HECW1: variants seen among roughly 807,000 people sequenced by gnomAD.
The protein encoded by HECW1 is HECT, C2 and WW domain containing E3 ubiquitin protein ligase 1, also known as E3 ubiquitin-protein ligase HECW1.
In HECW1, 61 loss-of-function variants were observed where a neutral mutation model predicts 182.3. The observed-to-expected ratio is 0.33, with a 90% CI of 0.27 to 0.41. The LOEUF is 0.41. Among genes scored for constraint, HECW1 ranks in the 10% least tolerant of loss-of-function variants. The pLI is 1.00. For missense variants in HECW1, 1,739 were observed against 2,108.9 expected (o/e 0.82, Z 3.44); for synonymous variants, 859 against 832.6 (o/e 1.03, Z -0.55).
chr7:43,454,792 A>G (rs981250209), intron 12 of HECW1, among the ~76,000 whole-genome samples: 1 of 152,258 alleles, frequency 6.6e-6, no homozygotes, highest in African/African-American at 2.4e-5. Flanking sequence ...TAAGTTTTCA[A>G]TGAAACTGTT....
At chr7:43,234,037 C>T (rs764507254) in intron 2 of HECW1, among the ~76,000 whole-genome samples, 17 of 152,216 alleles carry the variant, frequency 1.1e-4, no homozygotes, top group Non-Finnish European at 1.9e-4. Flanking sequence ...AGCTTCTCTC[C>T]ACAGTCTGCA....
At chr7:43,179,140 C>T (rs1792548180) in intron 2 of HECW1, among the ~76,000 whole-genome samples, 1 of 152,186 alleles carries the variant, frequency 6.6e-6, no homozygotes, top group Non-Finnish European at 1.5e-5. Context: ...TGTTGACACT[C>T]AAAAGGCACA....
intron 8 of HECW1, among the ~76,000 whole-genome samples, chr7:43,415,294 G>C (rs866876324): frequency 6.9e-6 from 1 of 145,482 alleles, no homozygotes; most frequent in East Asian, 2.0e-4. Flanking sequence ...ATGAAGCTTA[G>C]TTTGGCTGGA....
rs73326161 is a variant in HECW1, at chr7:43,369,680, A to G, written c.555+8700A>G. The stretch of plus-strand genomic sequence containing the variant: ...GATGAATCTTGACATGAATATATCC[A>G]GTGACCTAGAAAAAAGAGGACGTGA... On this transcript the variant is annotated intron_variant, in intron 6 of 29. Coordinates refer to ENST00000395891, the MANE Select transcript of HECW1 (RefSeq NM_015052.5). Among the ~76,000 whole-genome samples the G allele has an allele frequency of 6.9e-3, 1,051 of 152,084 alleles. 12 individuals are homozygous for G. Among genetic ancestry groups the G allele is most frequent in the African/African-American group, 0.024 (999 of 41,448 alleles).
chr7:43,268,938 C>A (rs766362663), intron 3 of HECW1, among the ~76,000 whole-genome samples: 2 of 152,096 alleles, frequency 1.3e-5, no homozygotes, highest in Non-Finnish European at 2.9e-5. Flanking sequence ...CCAACCCTTG[C>A]TGATTTTTCT....
At chr7:43,281,713 C>CTTTTTTTTTTTTTTTTT (rs55860415) in intron 3 of HECW1, among the ~76,000 whole-genome samples, 1 of 77,348 alleles carries the variant, frequency 1.3e-5, no homozygotes. Context: ...TCTTTGCTTT[C>CTTTTTTTTTTTTTTTTT]TTTTTTTTTT....
At chr7:43,499,628 A>G (rs933663975) in intron 19 of HECW1, among the ~76,000 whole-genome samples, 19 of 152,148 alleles carry the variant, frequency 1.2e-4, no homozygotes, top group African/African-American at 4.3e-4. Flanking sequence ...AAAATTAAAC[A>G]AGAAAAGAAA....
At chr7:43,238,137 G>A (rs57474939) in intron 2 of HECW1, among the ~76,000 whole-genome samples, 8 of 152,294 alleles carry the variant, frequency 5.3e-5, no homozygotes, top group Non-Finnish European at 8.8e-5. Context: ...GTTCTATTAC[G>A]TGTGTTTGCC....
intron 16 of HECW1, among the ~76,000 whole-genome samples, chr7:43,471,954 A>C (rs935108817): frequency 2.6e-5 from 4 of 152,240 alleles, no homozygotes; most frequent in Non-Finnish European, 1.5e-5. Flanking sequence ...AAAGACATCT[A>C]TTCATCATCC....
At chr7:43,374,482 T>C (rs1040280246) in intron 6 of HECW1, among the ~76,000 whole-genome samples, 10 of 151,834 alleles carry the variant, frequency 6.6e-5, no homozygotes, top group African/African-American at 1.5e-4. Context: ...AAGATGAAAA[T>C]AGAACTTTTT....
intron 3 of HECW1, among the ~76,000 whole-genome samples, chr7:43,269,613 A>G (rs1006961141): frequency 2.6e-5 from 4 of 152,242 alleles, no homozygotes; most frequent in South Asian, 2.1e-4. Flanking sequence ...ACGAATTGAA[A>G]GGCAAGACCA....
intron 5 of HECW1, 60 bp downstream of exon 5, chr7:43,320,802 T>C: frequency 1.6e-6 from 2 of 1,281,964 alleles, no homozygotes; most frequent in South Asian, 1.2e-5. Flanking sequence ...ATTCAACTGT[T>C]TCATTATTTG....
In HECW1 at chr7:43,512,134, G is replaced by A. The variant is rs1335464218; in HGVS notation, c.4019+3013G>A. The A allele has an allele frequency of 1.8e-5, 4 of 223,292 alleles. No individual in the cohort carries two copies. In the East Asian group the frequency reaches 2.6e-4, roughly 14 times the overall value. The allele number at this position is 223,292 out of a possible 1,614,324, so 13.8% of individuals were successfully genotyped here. A position where few individuals can be genotyped will look rare whatever the true frequency, so the allele number is the denominator to read the frequency against. On this transcript the variant is annotated intron_variant, in intron 24 of 29. Coordinates refer to ENST00000395891, the MANE Select transcript of HECW1 (RefSeq NM_015052.5). The stretch of plus-strand genomic sequence containing the variant: ...GGAGATTCATGGAGGCTGTGAAGAG[G>A]ATGACAATCATCAGAGCCTGTGCAT...
intron 2 of HECW1, among the ~76,000 whole-genome samples, chr7:43,242,912 C>T (rs774141714): frequency 1.6e-4 from 24 of 152,234 alleles, no homozygotes; most frequent in Non-Finnish European, 2.9e-4. Flanking sequence ...GATCTCAGTA[C>T]GTAGATGTTG....
At chr7:43,383,548 T>C (rs2152829105) in intron 6 of HECW1, among the ~76,000 whole-genome samples, 1 of 152,378 alleles carries the variant, frequency 6.6e-6, no homozygotes, top group African/African-American at 2.4e-5. Flanking sequence ...GATGAGCTTT[T>C]TTACATATGT....
intron 7 of HECW1, among the ~76,000 whole-genome samples, chr7:43,402,942 A>G (rs1584781235): frequency 6.6e-6 from 1 of 152,250 alleles, no homozygotes; most frequent in East Asian, 1.9e-4. Flanking sequence ...AGATTTATTT[A>G]CAAATATATT....
intron 2 of HECW1, among the ~76,000 whole-genome samples, chr7:43,209,582 A>AT (rs1168766965): frequency 6.6e-6 from 1 of 152,004 alleles, no homozygotes; most frequent in Non-Finnish European, 1.5e-5. Context: ...CTCCTTGCCC[A>AT]TTTTTTTCCT....
intron 17 of HECW1, among the ~76,000 whole-genome samples, chr7:43,488,260 A>G (rs1283836830): frequency 6.6e-6 from 1 of 150,812 alleles, no homozygotes; most frequent in East Asian, 2.0e-4. Context: ...CAGTGAGCCA[A>G]GATCGCGCCA....
At chr7:43,512,322 A>C (rs746967742) in intron 24 of HECW1, among the ~76,000 whole-genome samples, 63 of 152,208 alleles carry the variant, frequency 4.1e-4, no homozygotes, top group Admixed American at 9.2e-4. Flanking sequence ...CGCCCTGCCC[A>C]CCTCCCTTCA....
Sources: gnomAD v4.1 joint callset for allele counts (sites outside exome capture counted in the v4.1 genomes callset) on GRCh38, gnomAD v4.1.1 for gene constraint, MANE v1.5 for transcripts, NCBI Gene and HGNC (gene_info 2026-07-23, HGNC 2026-07-21) for gene names.